Variants in TMEM71 observed in about 807,000 individuals in gnomAD.
TMEM71 encodes transmembrane protein 71.
A neutral mutation model predicts 38.0 loss-of-function variants in TMEM71; 44 were observed. The ratio of observed to expected loss-of-function variants is 1.16; its 90% CI spans 0.91 to 1.49. The LOEUF (loss-of-function observed/expected upper bound fraction) is 1.49. TMEM71 is among the 40% of genes most tolerant of loss of function. TMEM71 has a pLI of 0.00. For synonymous variants in TMEM71, 133 were observed against 122.5 expected (o/e 1.09, Z -0.56); for missense variants, 367 against 348.6 (o/e 1.05, Z -0.42).
chr8:132,716,138 GCA>G, intron 7 of TMEM71, among the ~76,000 whole-genome samples: 1 of 152,302 alleles, frequency 6.6e-6, no homozygotes, highest in South Asian at 2.1e-4. Context: ...AGGCATCCCT[GCA>G]CTCTTGGGGG....
intron 5 of TMEM71, among the ~76,000 whole-genome samples, chr8:132,745,700 A>C (rs1218926061): frequency 6.6e-6 from 1 of 152,084 alleles, no homozygotes; most frequent in Non-Finnish European, 1.5e-5. Context: ...AAATCATTAT[A>C]CCAAAACAAC....
chr8:132,727,669 C>A (rs1827221265), intron 6 of TMEM71, 129 bp downstream of exon 6: 4 of 745,434 alleles, frequency 5.4e-6, no homozygotes, highest in Non-Finnish European at 6.4e-6. Context: ...GCAGAGGCCC[C>A]ATGTCCTCCC....
intron 5 of TMEM71, among the ~76,000 whole-genome samples, chr8:132,740,986 C>T (rs1828002988): frequency 6.6e-6 from 1 of 152,158 alleles, no homozygotes; most frequent in Non-Finnish European, 1.5e-5. Flanking sequence ...AAAAGGTTAG[C>T]CTCACAGCAG....
At chr8:132,724,264 T>C (rs998560616) in intron 6 of TMEM71, among the ~76,000 whole-genome samples, 5 of 152,108 alleles carry the variant, frequency 3.3e-5, no homozygotes, top group African/African-American at 9.7e-5. Context: ...GGTTTCCCAA[T>C]CCTAGTAAGC....
chr8:132,720,552 A>G (rs1408662762), intron 7 of TMEM71, among the ~76,000 whole-genome samples: 2 of 152,150 alleles, frequency 1.3e-5, no homozygotes, highest in Non-Finnish European at 2.9e-5. Context: ...TCCGACACAC[A>G]CACACTCCAC....
rs776371772 is a variant in TMEM71, at chr8:132,727,866, T to A, written c.608A>T (p.His203Leu). The A allele has an allele frequency of 1.2e-6, 2 of 1,614,160 alleles. No individual in the cohort carries two copies. The highest frequency in any genetic ancestry group is 1.7e-5 in the Admixed American group (1 of 60,010). Residue 203 changes from histidine to leucine, a missense_variant, in exon 6 of 10, where the codon CAT becomes CTT. His to Leu is a moderately conservative substitution (Grantham distance 99, BLOSUM62 -3). Coordinates refer to ENST00000677595, the MANE Select transcript of TMEM71 (RefSeq NM_001382403.1). ...CAACTGGGACTGAAGAGACAAGCTA[T>A]GGGAGTTTCCTCCAGGAGGCTGAGA... is the stretch of plus-strand genomic sequence containing the variant. The part of the protein sequence containing the change: ...IISQPPGGNS[H>L]SLSLQSQLTA...
the TMEM71 span, among the ~76,000 whole-genome samples, chr8:132,773,007 T>G: frequency 1.3e-5 from 2 of 152,214 alleles, no homozygotes; most frequent in Admixed American, 6.5e-5. Flanking sequence ...CCTGTAAAAT[T>G]TAATGTATAT....
the TMEM71 span, among the ~76,000 whole-genome samples, chr8:132,767,227 A>G: frequency 1.3e-5 from 2 of 152,184 alleles, no homozygotes; most frequent in Admixed American, 6.5e-5. Context: ...TCCTCTGAAG[A>G]TTAGAGAATA....
At chr8:132,746,633 A>G (rs895613216) in intron 5 of TMEM71, among the ~76,000 whole-genome samples, 1 of 151,426 alleles carries the variant, frequency 6.6e-6, no homozygotes, top group Non-Finnish European at 1.5e-5. Flanking sequence ...TCTAAATCTG[A>G]CTCTAGTATC....
In TMEM71 at chr8:132,710,927, C is replaced by G; in HGVS notation, c.*40G>C. 6.3e-7 allele frequency: 1 copy of G among 1,595,020 alleles called. No individual in the cohort carries two copies. The highest frequency in any genetic ancestry group is 8.6e-7 in the Non-Finnish European group (1 of 1,163,938). Reference sequence around the variant, plus strand: ...GCAAGTTGGACAATTTCCAGATATTCAGATGGAGGACATTCATCGAAGGCA... The same window carrying G: ...GCAAGTTGGACAATTTCCAGATATTGAGATGGAGGACATTCATCGAAGGCA... On this transcript the variant is annotated 3_prime_UTR_variant, in exon 10 of 10. Coordinates refer to ENST00000677595, the MANE Select transcript of TMEM71 (RefSeq NM_001382403.1).
chr8:132,751,459 C>G (rs138963693), intron 4 of TMEM71, among the ~76,000 whole-genome samples: 1 of 152,234 alleles, frequency 6.6e-6, no homozygotes, highest in Non-Finnish European at 1.5e-5. Flanking sequence ...TGCACCCTGA[C>G]GGGTTTCTAT....
chr8:132,713,459 G>A (rs1247570092), intron 9 of TMEM71, among the ~76,000 whole-genome samples: 2 of 152,146 alleles, frequency 1.3e-5, no homozygotes, highest in African/African-American at 4.8e-5. Context: ...TGAAGTGAAG[G>A]TAATTAACAC....
rs564525265 is a variant in TMEM71 at position 132,729,688 on chromosome 8, A to C, written c.488-1702T>G. Among the ~76,000 whole-genome samples, 12 of 152,322 alleles carry C rather than the reference A, an allele frequency of 7.9e-5. No homozygotes were observed. In the South Asian group the frequency reaches 1.9e-3, roughly 24 times the overall value. The stretch of plus-strand genomic sequence containing the variant: ...CAAAGCTGCCAAAAGGGGTGGGGAG[A>C]GGGCCTTAGAAGTCATAGTAGTCAA... On this transcript the variant is annotated intron_variant, in intron 5 of 9. Coordinates refer to ENST00000677595, the MANE Select transcript of TMEM71 (RefSeq NM_001382403.1).
chr8:132,706,292 T>A (rs1183059254), downstream of TMEM71, among the ~76,000 whole-genome samples: 1 of 152,114 alleles, frequency 6.6e-6, no homozygotes, highest in Non-Finnish European at 1.5e-5. Context: ...CTTCCATCAG[T>A]ATTGGCCCCA....
At chr8:132,774,689 C>A in the TMEM71 span, among the ~76,000 whole-genome samples, 1 of 152,244 alleles carries the variant, frequency 6.6e-6, no homozygotes, top group Admixed American at 6.5e-5. Context: ...AGCAAGGATA[C>A]TGTCTCCTGT....
chr8:132,757,392 A>T, intron 2 of TMEM71, 98 bp from the exon 3 acceptor site: 1 of 853,466 alleles, frequency 1.2e-6, no homozygotes, highest in Non-Finnish European at 1.9e-6. Context: ...CAAACAGTGG[A>T]GGCATGTAAG....
At chr8:132,706,279 C>A (rs1306488160), downstream of TMEM71, among the ~76,000 whole-genome samples, 1 of 152,112 alleles carries the variant, frequency 6.6e-6, no homozygotes, top group African/African-American at 2.4e-5. Context: ...AGTCCTTTAG[C>A]ATCTTCCATC....
intron 9 of TMEM71, among the ~76,000 whole-genome samples, chr8:132,712,301 T>C (rs1288242933): frequency 6.6e-6 from 1 of 152,102 alleles, no homozygotes; most frequent in African/African-American, 2.4e-5. Context: ...CTTCCATAAA[T>C]GAGTCAGAAG....
At chr8:132,746,498 C>CAT (rs1563753888) in intron 5 of TMEM71, among the ~76,000 whole-genome samples, 4 of 109,520 alleles carry the variant, frequency 3.7e-5, no homozygotes, top group East Asian at 2.9e-4. Flanking sequence ...CATATATATA[C>CAT]ATATATATGT....
Sources: allele counts gnomAD v4.1 joint callset (sites outside exome capture counted in the v4.1 genomes callset), GRCh38; gene constraint gnomAD v4.1.1; transcripts MANE v1.5; gene names NCBI Gene and HGNC (gene_info 2026-07-23, HGNC 2026-07-21).